The following CMIP variants were observed in gnomAD, a reference collection of about 807,000 sequenced individuals.
CMIP encodes C-Maf-inducing protein.
Under a neutral mutation model 97.3 loss-of-function variants are expected in CMIP, and 13 were observed. The ratio of observed to expected loss-of-function variants is 0.13; its 90% CI spans 0.09 to 0.21. CMIP has a LOEUF of 0.21. CMIP is among the 10% of genes least tolerant of loss of function. The probability of loss-of-function intolerance (pLI) is 1.00; values close to 1 mark genes in which losing one functional copy is unlikely to be tolerated. For missense variants in CMIP, 847 were observed against 1,024.9 expected, an observed-to-expected ratio of 0.83 and a Z score of 2.37; for synonymous variants, 538 against 436.3, an observed-to-expected ratio of 1.23 and a Z score of -2.91.
intron 1 of CMIP, chr16:81,475,957 A>G (rs1347526854): frequency 2.2e-6 from 1 of 447,974 alleles, no homozygotes; most frequent in Non-Finnish European, 4.2e-6. Flanking sequence ...ACTGCGCTCC[A>G]GCGTGGGTGA....
chr16:81,451,307 C>T (rs139042660), intron 1 of CMIP, among the ~76,000 whole-genome samples: 99 of 152,296 alleles, frequency 6.5e-4, no homozygotes, highest in African/African-American at 2.0e-3. Flanking sequence ...CTCTTTCATT[C>T]TCCTCTTGTC....
At chr16:81,561,594 A>G (rs2090884798) in intron 1 of CMIP, among the ~76,000 whole-genome samples, 1 of 152,180 alleles carries the variant, frequency 6.6e-6, no homozygotes, top group African/African-American at 2.4e-5. Context: ...CAGCAATTAC[A>G]GAGGGCCTCG....
intron 1 of CMIP, among the ~76,000 whole-genome samples, chr16:81,537,793 C>T (rs919648026): frequency 7.9e-5 from 12 of 152,192 alleles, no homozygotes; most frequent in African/African-American, 2.2e-4. Context: ...AGGAGCCTCC[C>T]GCTTTGAGCA....
At chr16:81,706,048 C>A (rs1908102308) in intron 19 of CMIP, among the ~76,000 whole-genome samples, 1 of 152,208 alleles carries the variant, frequency 6.6e-6, no homozygotes, top group South Asian at 2.1e-4. Flanking sequence ...TGGGAGGCTC[C>A]CGTGCCCGTT....
chr16:81,501,722 C>G (rs1232064434), intron 1 of CMIP, among the ~76,000 whole-genome samples: 2 of 151,922 alleles, frequency 1.3e-5, no homozygotes, highest in Non-Finnish European at 2.9e-5. Context: ...CGCAATTCTC[C>G]TGCCTCAGCC....
intron 1 of CMIP, among the ~76,000 whole-genome samples, chr16:81,447,383 C>A (rs956967651): frequency 6.6e-6 from 1 of 152,000 alleles, no homozygotes; most frequent in Non-Finnish European, 1.5e-5. Flanking sequence ...GTGAGTGTCC[C>A]GCTGCTACCG....
At chr16:81,500,654 A>C (rs964209853) in intron 1 of CMIP, among the ~76,000 whole-genome samples, 6 of 151,390 alleles carry the variant, frequency 4.0e-5, no homozygotes, top group Non-Finnish European at 8.8e-5. Context: ...ACATCCAGCT[A>C]ATTTTTGTAT....
intron 14 of CMIP, among the ~76,000 whole-genome samples, chr16:81,699,213 C>A (rs1236161641): frequency 6.6e-6 from 1 of 152,108 alleles, no homozygotes. Context: ...AAGATCGCAC[C>A]ACTACACACT....
intron 5 of CMIP, among the ~76,000 whole-genome samples, chr16:81,660,647 C>G (rs1298209856): frequency 6.6e-6 from 1 of 152,162 alleles, no homozygotes; most frequent in Non-Finnish European, 1.5e-5. Context: ...TCCCAGTGCC[C>G]TCTTTAGAAA....
chr16:81,521,849 G>T (rs1033427610), intron 1 of CMIP, among the ~76,000 whole-genome samples: 2 of 152,164 alleles, frequency 1.3e-5, no homozygotes, highest in African/African-American at 4.8e-5. Flanking sequence ...AAGGAGAAAG[G>T]TATCCTGAGT....
intron 1 of CMIP, chr16:81,518,987 G>C (rs535452071): frequency 2.0e-5 from 3 of 152,164 alleles, no homozygotes; most frequent in Non-Finnish European, 4.4e-5. Flanking sequence ...AGGCGCCCGC[G>C]CCACGCCTGG....
At chr16:81,617,863 G>A (rs373995687) in intron 2 of CMIP, among the ~76,000 whole-genome samples, 4 of 152,348 alleles carry the variant, frequency 2.6e-5, no homozygotes, top group East Asian at 3.9e-4. Context: ...TAGAGCATGC[G>A]TGGCCCCTTC....
At chr16:81,500,061 C>T (rs997101690) in intron 1 of CMIP, among the ~76,000 whole-genome samples, 4 of 152,262 alleles carry the variant, frequency 2.6e-5, no homozygotes, top group East Asian at 1.9e-4. Context: ...GGCAATCGGC[C>T]TTCTTCAGCC....
chr16:81,672,952 CTT>C (rs1431953789), intron 9 of CMIP, among the ~76,000 whole-genome samples: 1 of 152,202 alleles, frequency 6.6e-6, no homozygotes, highest in Non-Finnish European at 1.5e-5. Flanking sequence ...TCCCTGCTCT[CTT>C]GGGGCTTCCA....
chr16:81,460,521 G>A (rs1906839203), intron 1 of CMIP, among the ~76,000 whole-genome samples: 2 of 152,178 alleles, frequency 1.3e-5, no homozygotes, highest in African/African-American at 4.8e-5. Flanking sequence ...TGTGGCCCAG[G>A]AAGCCCCTCA....
intron 14 of CMIP, 32 bp downstream of exon 14, chr16:81,696,699 C>A: frequency 1.9e-6 from 3 of 1,589,912 alleles, no homozygotes; most frequent in Non-Finnish European, 2.6e-6. Flanking sequence ...GGGTGACTTC[C>A]AGGGGTCCCT....
At chr16:81,498,361 G>A (rs1175345376) in intron 1 of CMIP, among the ~76,000 whole-genome samples, 1 of 152,214 alleles carries the variant, frequency 6.6e-6, no homozygotes, top group African/African-American at 2.4e-5. Context: ...AGTGCCGGGG[G>A]CTGGGCACAG....
Position 81,661,023 on chromosome 16 carries a change from A to G in CMIP, c.744+77A>G, listed in dbSNP as rs2092539972. On this transcript the variant is annotated intron_variant, in intron 6 of 20. Transcript: ENST00000537098. ...TGCGCATACCAGGGATTGGGTTTGC[A>G]CAGAAAGGCCAAAAACCTGGGCCCC... is the stretch of plus-strand genomic sequence containing the variant. 2.5e-6 allele frequency: 4 copies of G among 1,579,134 alleles called. No individual in the cohort carries two copies. In the African/African-American group the frequency reaches 5.4e-5, roughly 21 times the overall value.
chr16:81,644,380 G>A (rs1056850094), intron 3 of CMIP, among the ~76,000 whole-genome samples: 2 of 152,234 alleles, frequency 1.3e-5, no homozygotes, highest in Admixed American at 1.3e-4. Flanking sequence ...CCAGGGGGCT[G>A]TGTTTGACCC....
Sources: gnomAD v4.1 joint callset for allele counts (sites outside exome capture counted in the v4.1 genomes callset) on GRCh38, gnomAD v4.1.1 for gene constraint, MANE v1.5 for transcripts, NCBI Gene and HGNC (gene_info 2026-07-23, HGNC 2026-07-21) for gene names.